Variants in ANKRD50 observed in about 807,000 individuals in gnomAD.
The protein encoded by ANKRD50 is ankyrin repeat domain 50.
Under a neutral mutation model 112.0 loss-of-function variants are expected in ANKRD50, and 40 were observed. That is an observed-to-expected ratio of 0.36 (90% CI 0.28 to 0.46). The LOEUF is 0.46. ANKRD50 is among the 20% of genes least tolerant of loss of function. ANKRD50 has a pLI of 1.00. For missense variants in ANKRD50, 1,487 were observed against 1,701.7 expected, an observed-to-expected ratio of 0.87 and a Z score of 2.22; for synonymous variants, 613 against 619.1, an observed-to-expected ratio of 0.99 and a Z score of 0.15.
intron 2 of ANKRD50, among the ~76,000 whole-genome samples, chr4:124,687,153 T>G: frequency 6.6e-6 from 1 of 152,330 alleles, no homozygotes; most frequent in African/African-American, 2.4e-5. Context: ...TATGTATTTG[T>G]TAAAGACAGA....
intron 1 of ANKRD50, among the ~76,000 whole-genome samples, 153 bp downstream of exon 1, chr4:124,712,305 G>A (rs1052477077): frequency 1.3e-5 from 2 of 151,704 alleles, no homozygotes; most frequent in Non-Finnish European, 2.9e-5. Flanking sequence ...GCTCCCACCC[G>A]GCCGACGGCG....
chr4:124,685,863 TTGATTTACTTAATTTTTTTAAAAAG>T (rs1553967673), intron 2 of ANKRD50, among the ~76,000 whole-genome samples: 2 of 152,158 alleles, frequency 1.3e-5, no homozygotes, highest in Non-Finnish European at 2.9e-5. Flanking sequence ...AGCCTTTTGA[TTGATTTACTTAATTTTTTTAAAAAG>T]TGACAGATAA....
chr4:124,687,344 G>A (rs1053390591), intron 2 of ANKRD50, among the ~76,000 whole-genome samples: 61 of 151,828 alleles, frequency 4.0e-4, no homozygotes, highest in Admixed American at 3.8e-3. Context: ...CAAAAAAGAC[G>A]AACTTCAATA....
rs768633052 is a variant in ANKRD50 at position 124,676,927 on chromosome 4, A to T, written c.742+1749T>A. On this transcript the variant is annotated intron_variant, in intron 3 of 4. Transcript: ENST00000504087. ...AATAAGCATAAGGGAGAAAGGGTTC[A>T]ACAGTAAACAAGAAGTACAAATAAA... Among the ~76,000 whole-genome samples the T allele has an allele frequency of 3.7e-4, 56 of 151,862 alleles. 1 individual carries two copies. Among genetic ancestry groups the T allele is most frequent in the Admixed American group, 7.2e-4 (11 of 15,230 alleles).
At chr4:124,703,250 A>T (rs1317898897) in intron 2 of ANKRD50, among the ~76,000 whole-genome samples, 1 of 152,192 alleles carries the variant, frequency 6.6e-6, no homozygotes, top group Non-Finnish European at 1.5e-5. Context: ...AGGCAAATTG[A>T]GCAGTACGTT....
chr4:124,707,257 A>G (rs551165960), intron 2 of ANKRD50, among the ~76,000 whole-genome samples: 162 of 152,048 alleles, frequency 1.1e-3, no homozygotes, highest in African/African-American at 3.9e-3. Flanking sequence ...TTTCAGCCCC[A>G]TTTTCCACCT....
chr4:124,697,160 T>G (rs774814722), intron 2 of ANKRD50, among the ~76,000 whole-genome samples: 2 of 152,050 alleles, frequency 1.3e-5, no homozygotes, highest in Non-Finnish European at 2.9e-5. Flanking sequence ...AGCAAAGAAG[T>G]TGAGTAAGCA....
At chr4:124,705,145 C>G (rs1301583268) in intron 2 of ANKRD50, among the ~76,000 whole-genome samples, 1 of 151,966 alleles carries the variant, frequency 6.6e-6, no homozygotes, top group Non-Finnish European at 1.5e-5. Context: ...AGCTACAAAC[C>G]TAAACAGATA....
At chr4:124,678,117 A>G (rs1724771546) in intron 3 of ANKRD50, among the ~76,000 whole-genome samples, 1 of 152,122 alleles carries the variant, frequency 6.6e-6, no homozygotes, top group Admixed American at 6.6e-5. Flanking sequence ...AAATGTATAG[A>G]ACTACTCAAA....
At chr4:124,678,233 TTAATC>T (rs1461079371) in intron 3 of ANKRD50, among the ~76,000 whole-genome samples, 1 of 152,016 alleles carries the variant, frequency 6.6e-6, no homozygotes, top group Non-Finnish European at 1.5e-5. Context: ...AAAGAGTGTG[TTAATC>T]TAATAGGAGT....
intron 3 of ANKRD50, among the ~76,000 whole-genome samples, chr4:124,678,238 C>T (rs572716561): frequency 1.3e-5 from 2 of 150,884 alleles, no homozygotes; most frequent in South Asian, 4.2e-4. Context: ...GTGTGTTAAT[C>T]TAATAGGAGT....
chr4:124,704,227 T>C (rs985194433), intron 2 of ANKRD50, among the ~76,000 whole-genome samples: 1 of 152,222 alleles, frequency 6.6e-6, no homozygotes, highest in African/African-American at 2.4e-5. Flanking sequence ...TTTAGAATAA[T>C]CTTTTAATTT....
Position 124,672,274 on chromosome 4 carries a change from G to A in ANKRD50, c.1003C>T (p.Leu335Phe). Residue 335 changes from leucine (L) to phenylalanine (F), a missense_variant, in exon 4 of 5, where the codon CTC (leucine) becomes TTC (phenylalanine). Coordinates refer to ENST00000504087, the MANE Select transcript of ANKRD50 (RefSeq NM_020337.3). The part of the protein sequence containing the change: ...DIPGTLNGLY[L>F]WLCQRLFVRK... ...ACAAAAAGTCTTTGGCACAGCCAGA[G>A]ATATAAACCATTTAGAGTTCCTGGG... The A allele has an allele frequency of 6.2e-7, 1 of 1,613,772 alleles. No homozygotes were observed. Among genetic ancestry groups the A allele is most frequent in the South Asian group, 1.1e-5 (1 of 91,064 alleles).
rs578166264 is a variant in ANKRD50, at chr4:124,703,743, C to T, written c.512+6257G>A. Among the ~76,000 whole-genome samples, 195 of 152,002 alleles carry T rather than the reference C, an allele frequency of 1.3e-3. 1 individual carries two copies. The highest frequency in any genetic ancestry group is 4.6e-3 in the African/African-American group (191 of 41,462). ...TTGCTGCATTGGGGTAAAAACATCC[C>T]ATACTCAACTTGTAGAGCACCACTT... On this transcript the variant is annotated intron_variant, in intron 2 of 4. Transcript: ENST00000504087.
chr4:124,670,882 T>C lies in ANKRD50; in HGVS notation c.2395A>G (p.Thr799Ala). 1 of 1,613,858 alleles carries C rather than the reference T, an allele frequency of 6.2e-7. No individual in the cohort carries two copies. Among genetic ancestry groups the C allele is most frequent in the Non-Finnish European group, 8.5e-7 (1 of 1,179,888 alleles). ...ACAGCTGCACCCCAAAACAAAAGTG[T>C]ATTTACAACTGATGCATGACCCATA... ...ASMGHASVVN[T>A]LLFWGAAVDS... is the part of the protein sequence containing the mutation. The change falls in exon 4 of 5, where the codon ACA (threonine) becomes GCA (alanine). Residue 799 changes from threonine to alanine, a missense_variant. Transcript: ENST00000504087.
chr4:124,688,575 G>C (rs1371158618), intron 2 of ANKRD50, among the ~76,000 whole-genome samples: 2 of 152,174 alleles, frequency 1.3e-5, no homozygotes, highest in African/African-American at 4.8e-5. Flanking sequence ...GACATAGCTT[G>C]GTACTACCAG....
At chr4:124,680,248 AC>A (rs1035839948) in intron 2 of ANKRD50, among the ~76,000 whole-genome samples, 1 of 152,146 alleles carries the variant, frequency 6.6e-6, no homozygotes, top group African/African-American at 2.4e-5. Flanking sequence ...TCATCAGTAT[AC>A]CCCTAGAACC....
chr4:124,668,879 G>A (rs1730559391), intron 4 of ANKRD50, 105 bp downstream of exon 4: 1 of 1,053,222 alleles, frequency 9.5e-7, no homozygotes, highest in Admixed American at 2.8e-5. Flanking sequence ...TGACATCTGA[G>A]TAGAGATTAA....
chr4:124,685,840 T>C (rs1485196123), intron 2 of ANKRD50, among the ~76,000 whole-genome samples: 1 of 152,172 alleles, frequency 6.6e-6, no homozygotes, highest in East Asian at 1.9e-4. Context: ...GCCAAGATCA[T>C]CCTTCTGTAG....
Sources: allele counts gnomAD v4.1 joint callset (sites outside exome capture counted in the v4.1 genomes callset), GRCh38; gene constraint gnomAD v4.1.1; transcripts MANE v1.5; gene names NCBI Gene and HGNC (gene_info 2026-07-23, HGNC 2026-07-21).